CUX1: variants seen among roughly 807,000 people sequenced by gnomAD.
CUX1 encodes the protein cut like homeobox 1.
Under a neutral mutation model 158.8 loss-of-function variants are expected in CUX1, and 31 were observed. That is an observed-to-expected ratio of 0.20 (90% confidence interval 0.15 to 0.26). The LOEUF is 0.26. CUX1 is among the 10% of genes least tolerant of loss of function. The probability of loss-of-function intolerance (pLI) is 1.00; values close to 1 mark genes in which losing one functional copy is unlikely to be tolerated. For synonymous variants in CUX1, 879 were observed against 862.1 expected, an observed-to-expected ratio of 1.02 and a Z score of -0.34; for missense variants, 1,589 against 2,014.6, an observed-to-expected ratio of 0.79 and a Z score of 4.04.
chr7:102,188,293 T>C (rs1793848808), intron 11 of CUX1, among the ~76,000 whole-genome samples: 1 of 152,140 alleles, frequency 6.6e-6, no homozygotes, highest in Non-Finnish European at 1.5e-5. Flanking sequence ...TGTTCACCTC[T>C]AGCTTGGAAA....
In CUX1 at chr7:102,234,038, T is replaced by C. The variant is rs372787546; in HGVS notation, c.3434-14T>C. On this transcript the variant is annotated splice_polypyrimidine_tract_variant and intron_variant, in intron 21 of 23. Transcript: ENST00000292535. ...TCGGTGACAATACCTGTCTTGCTTC[T>C]GTTTTCTCTCTAGGCCAGCGCTTAT... 2.2e-5 allele frequency: 32 copies of C among 1,462,544 alleles called. No individual in the cohort carries two copies. The East Asian group carries it at 6.3e-4, about 29-fold the overall frequency. 90.6% of individuals were successfully genotyped at this position (1,462,544 alleles called of 1,614,324 possible). A position where few individuals can be genotyped will look rare whatever the true frequency, so the allele number is the denominator to read the frequency against.
chr7:102,250,164 G>C lies in CUX1; in HGVS notation c.*1122G>C. 1.0e-6 allele frequency: 1 copy of C among 985,418 alleles called. No individual in the cohort carries two copies. Among genetic ancestry groups the C allele is most frequent in the South Asian group, 4.7e-5 (1 of 21,290 alleles). The allele number at this position is 985,418 out of a possible 1,614,324, so 61.0% of individuals were successfully genotyped here. Reference sequence around the variant, plus strand: ...TCAGACCTCATATCTTGGAGGTTTAGGAGACAAGTTAGAACTGTAGCATGT... The same window carrying C: ...TCAGACCTCATATCTTGGAGGTTTACGAGACAAGTTAGAACTGTAGCATGT... On this transcript the variant is annotated 3_prime_UTR_variant, in exon 24 of 24. Coordinates refer to ENST00000292535, the MANE Select transcript of CUX1 (RefSeq NM_181552.4).
intron 3 of CUX1, among the ~76,000 whole-genome samples, chr7:102,052,867 G>A (rs1823680097): frequency 1.3e-5 from 2 of 152,314 alleles, no homozygotes; most frequent in South Asian, 2.1e-4. Flanking sequence ...GAATGCGGTA[G>A]TGTGATCTCG....
rs1009250684 is a variant in CUX1 at position 102,278,740 on chromosome 7, A to T, written c.1680+675A>T. On this transcript the variant is annotated intron_variant, in intron 18 of 22. Transcript: ENST00000292538. ...AAAATAAAATAATAATAAATAAAAT[A>T]AAATAAAATAGAAAAGAAAATACTA... Among the ~76,000 whole-genome samples the T allele has an allele frequency of 5.7e-4, 86 of 149,632 alleles. No homozygotes were observed. The Middle Eastern group carries it at 0.014, about 24-fold the overall frequency.
At chr7:102,051,369 C>T (rs763601044) in intron 3 of CUX1, among the ~76,000 whole-genome samples, 155 of 152,054 alleles carry the variant, frequency 1.0e-3, no homozygotes, top group Middle Eastern at 6.8e-3. Flanking sequence ...AAAATAGGGC[C>T]GGGCGCAGTG....
At chr7:102,230,478 C>T (rs1586346724) in intron 21 of CUX1, among the ~76,000 whole-genome samples, 1 of 144,866 alleles carries the variant, frequency 6.9e-6, no homozygotes, top group Admixed American at 7.0e-5. Context: ...GAGCAAGACA[C>T]TATCTCAAAA....
rs189544596 is a variant in CUX1 at position 102,059,679 on chromosome 7, G to C, written c.190-10660G>C. ...TTAAAACCCTCAAGATTTGGCCTGC[G>C]TACGTGTCTGTTTTGGACAGCATCC... On this transcript the variant is annotated intron_variant, in intron 3 of 23. Coordinates refer to ENST00000292535, the MANE Select transcript of CUX1 (RefSeq NM_181552.4). 1.3e-5 allele frequency among the ~76,000 whole-genome samples: 2 copies of C among 151,160 alleles called. 1 individual carries two copies. The highest frequency in any genetic ancestry group is 6.4e-3 in the Middle Eastern group (2 of 314).
chr7:102,231,017 G>C (rs928488392), intron 21 of CUX1, among the ~76,000 whole-genome samples: 2 of 131,162 alleles, frequency 1.5e-5, no homozygotes, highest in Non-Finnish European at 3.1e-5. Flanking sequence ...CACACCCCAA[G>C]CCCGGCTATT....
At chr7:101,962,638 C>T (rs773631132) in intron 2 of CUX1, among the ~76,000 whole-genome samples, 22 of 152,170 alleles carry the variant, frequency 1.4e-4, no homozygotes, top group Non-Finnish European at 2.9e-4. Flanking sequence ...AAATGGATTT[C>T]TCCCTTGCTT....
chr7:101,970,387 C>G (rs1227587931), intron 2 of CUX1, among the ~76,000 whole-genome samples: 1 of 152,042 alleles, frequency 6.6e-6, no homozygotes, highest in African/African-American at 2.4e-5. Context: ...GGGGCTGTTC[C>G]CACCTGCAGT....
intron 11 of CUX1, among the ~76,000 whole-genome samples, chr7:102,180,486 C>T (rs1310144818): frequency 6.6e-6 from 1 of 151,868 alleles, no homozygotes; most frequent in Non-Finnish European, 1.5e-5. Flanking sequence ...CCACCACACC[C>T]AGCTAGTTTT....
chr7:102,119,812 G>C (rs1831845714), intron 8 of CUX1, among the ~76,000 whole-genome samples: 1 of 152,074 alleles, frequency 6.6e-6, no homozygotes, highest in African/African-American at 2.4e-5. Context: ...CTCTCAAAGT[G>C]CTGGGATTAC....
intron 9 of CUX1, among the ~76,000 whole-genome samples, chr7:102,162,468 G>A (rs1200220121): frequency 1.3e-5 from 2 of 151,438 alleles, no homozygotes; most frequent in South Asian, 2.1e-4. Flanking sequence ...ACAGCCTCCC[G>A]AGTAGCTGGG....
chr7:102,253,777 G>A lies in CUX1; in HGVS notation c.*4735G>A. 1.0e-6 allele frequency: 1 copy of A among 985,542 alleles called. No individual in the cohort carries two copies. The highest frequency in any genetic ancestry group is 1.2e-6 in the Non-Finnish European group (1 of 830,002). The allele number at this position is 985,542 out of a possible 1,614,324, so 61.0% of individuals were successfully genotyped here. On this transcript the variant is annotated 3_prime_UTR_variant, in exon 24 of 24. Coordinates refer to ENST00000292535, the MANE Select transcript of CUX1 (RefSeq NM_181552.4). ...CAAGGCCGACAAGCCAGCTGTACAGGGCGAGATGTAGCAACACGGGGCATG... is the reference window on the plus strand; with the variant it reads ...CAAGGCCGACAAGCCAGCTGTACAGAGCGAGATGTAGCAACACGGGGCATG...
chr7:102,122,434 A>G (rs1348924809), intron 8 of CUX1, among the ~76,000 whole-genome samples: 2 of 144,658 alleles, frequency 1.4e-5, no homozygotes, highest in African/African-American at 5.2e-5. Context: ...GGGCTTGTGG[A>G]TTTTGTAGAA....
At chr7:102,153,811 A>G (rs1255239150) in intron 8 of CUX1, 2 of 152,356 alleles carry the variant, frequency 1.3e-5, no homozygotes, top group Non-Finnish European at 2.9e-5. Context: ...AGTGCTTCTG[A>G]AAGACACACC....
intron 11 of CUX1, among the ~76,000 whole-genome samples, chr7:102,182,814 C>T (rs1793237993): frequency 6.6e-6 from 1 of 152,174 alleles, no homozygotes; most frequent in South Asian, 2.1e-4. Flanking sequence ...GTACTTGCTA[C>T]AGCACAGAAG....
chr7:102,042,634 C>A (rs1822250006), intron 3 of CUX1, among the ~76,000 whole-genome samples: 1 of 152,160 alleles, frequency 6.6e-6, no homozygotes, highest in Non-Finnish European at 1.5e-5. Context: ...TCATTTCCAT[C>A]CTTTAGGGCT....
At chr7:101,926,476 C>T (rs1462188052) in intron 2 of CUX1, among the ~76,000 whole-genome samples, 3 of 152,050 alleles carry the variant, frequency 2.0e-5, no homozygotes, top group African/African-American at 7.2e-5. Flanking sequence ...CAGCAGGGGC[C>T]TGTAGGGAAG....
Sources: gnomAD v4.1 joint callset for allele counts (sites outside exome capture counted in the v4.1 genomes callset) on GRCh38, gnomAD v4.1.1 for gene constraint, MANE v1.5 for transcripts, NCBI Gene and HGNC (gene_info 2026-07-23, HGNC 2026-07-21) for gene names.